The following NOP53 variants were observed in gnomAD, a reference collection of about 807,000 sequenced individuals.
NOP53 encodes NOP53 ribosome biogenesis factor.
Under a neutral mutation model 61.0 loss-of-function variants are expected in NOP53, and 40 were observed. The observed-to-expected ratio is 0.66, with a 90% CI of 0.51 to 0.85. The LOEUF (loss-of-function observed/expected upper bound fraction) is 0.85, where lower values mean the gene tolerates loss of function less well. Among genes scored for constraint, NOP53 ranks in the 40% least tolerant of loss-of-function variants. The pLI is 0.00. For synonymous variants in NOP53, 308 were observed against 289.5 expected (o/e 1.06, Z -0.65); for missense variants, 689 against 652.9 (o/e 1.06, Z -0.60).
intron 1 of NOP53, 90 bp downstream of exon 1, chr19:47,745,873 GGGTC>G: frequency 3.4e-6 from 1 of 297,476 alleles, no homozygotes; most frequent in Non-Finnish European, 6.7e-6. Flanking sequence ...CGGGGGTCGG[GGGTC>G]GGGGGTCGGG....
rs1967059733 is a variant in NOP53, at chr19:47,746,095, AATATGTGTGTGTGTGTATGTAT to A, written c.224+325_224+346del. 8 of 413,538 alleles carry A rather than the reference AATATGTGTGTGTGTGTATGTAT, an allele frequency of 1.9e-5. No individual in the cohort carries two copies. The East Asian group carries it at 3.4e-4, about 18-fold the overall frequency. The allele number at this position is 413,538 out of a possible 1,614,324, so 25.6% of individuals were successfully genotyped here. On this transcript the variant is annotated intron_variant, in intron 1 of 12. Transcript: ENST00000246802. ...ATCCACCTTAGCTTGCTGTTTTCTA[AATATGTGTGTGTGTGTATGTAT>A]ATATGTGTGTGTATATATATGTGTA...
chr19:47,745,776 A>G lies in NOP53; in HGVS notation c.217A>G (p.Thr73Ala), dbSNP rs1343723525. 1.9e-6 allele frequency: 3 copies of G among 1,546,916 alleles called. No homozygotes were observed. The highest frequency in any genetic ancestry group is 4.1e-5 in the Admixed American group (2 of 49,262). The change falls in exon 1 of 13, where the codon ACG (threonine) becomes GCG (alanine). Residue 73 changes from threonine (T) to alanine (A), a missense_variant. Thr to Ala is a moderately conservative substitution (Grantham distance 58). Coordinates refer to ENST00000246802, the MANE Select transcript of NOP53 (RefSeq NM_015710.5). ...FLEDVRLQER[T>A]SGGLLSEAPN... The stretch of plus-strand genomic sequence containing the variant: ...GGAAGACGTGCGGCTACAGGAGCGC[A>G]CGAGCGGGTACGTTGGGCGGGACTT...
chr19:47,752,211 C>G (rs1967132890), intron 5 of NOP53, among the ~76,000 whole-genome samples: 2 of 152,182 alleles, frequency 1.3e-5, no homozygotes, highest in Admixed American at 1.3e-4. Context: ...CCCGTGCTGG[C>G]AAGTGGCAGA....
At chr19:47,747,842 G>A (rs1190945626) in intron 2 of NOP53, among the ~76,000 whole-genome samples, 2 of 125,426 alleles carry the variant, frequency 1.6e-5, no homozygotes, top group African/African-American at 3.2e-5. Flanking sequence ...GTGCAATGGC[G>A]TGATCTCAGC....
chr19:47,754,352 A>G lies in NOP53; in HGVS notation c.766-175A>G, dbSNP rs1388654044. On this transcript the variant is annotated intron_variant, in intron 6 of 12. Transcript: ENST00000246802. The surrounding 1 kb of genome is among the most constrained non-coding windows in gnomAD (Gnocchi z 4.2). ...GAGCAGGTGTGAGGGCGAGGGTTTG[A>G]GGTGCCCTCTGGCTCTGTGCAGGGT... is the stretch of plus-strand genomic sequence containing the variant. 3.3e-6 allele frequency: 2 copies of G among 604,564 alleles called. No homozygotes were observed. The highest frequency in any genetic ancestry group is 5.6e-5 in the East Asian group (2 of 35,676). The allele number at this position is 604,564 out of a possible 1,614,324, so 37.4% of individuals were successfully genotyped here.
chr19:47,749,486 G>A (rs1967099917), intron 2 of NOP53, among the ~76,000 whole-genome samples: 1 of 152,078 alleles, frequency 6.6e-6, no homozygotes, highest in Admixed American at 6.6e-5. Context: ...CTCATTTTGG[G>A]GGCACGGAGG....
In NOP53 at chr19:47,754,957, T is replaced by C. The variant is rs1336436694; in HGVS notation, c.1053+66T>C. 6.5e-6 allele frequency: 9 copies of C among 1,387,878 alleles called. No individual in the cohort carries two copies. Among genetic ancestry groups the C allele is most frequent in the Middle Eastern group, 2.6e-4 (1 of 3,916 alleles). The allele number at this position is 1,387,878 out of a possible 1,614,324, so 86.0% of individuals were successfully genotyped here. On this transcript the variant is annotated intron_variant, in intron 8 of 12. Coordinates refer to ENST00000246802, the MANE Select transcript of NOP53 (RefSeq NM_015710.5). The surrounding 1 kb of genome is among the most constrained non-coding windows in gnomAD (Gnocchi z 4.2). ...CCCCCTTCCTTCCTTCCTCCCACCA[T>C]GGGCTGCCCTGGGTGCTGCGGGCAG...
In NOP53 at chr19:47,745,783, G is replaced by A. The variant is rs200592342; in HGVS notation, c.224G>A (p.Gly75Asp). ...GTGCGGCTACAGGAGCGCACGAGCG[G>A]GTACGTTGGGCGGGACTTCCGGGAG... ...EDVRLQERTS[G>D]GLLSEAPNEK... The change falls in exon 1 of 13, where the codon GGT (glycine) becomes GAT (aspartate). Residue 75 changes from glycine to aspartate, a missense_variant and splice_region_variant. By Grantham distance (94) the Gly-to-Asp change is moderately conservative. Transcript: ENST00000246802. The A allele has an allele frequency of 1.5e-4, 228 of 1,536,632 alleles. No homozygotes were observed. Among genetic ancestry groups the A allele is most frequent in the Non-Finnish European group, 1.9e-4 (214 of 1,143,024 alleles).
intron 3 of NOP53, among the ~76,000 whole-genome samples, 162 bp from the exon 4 acceptor site, chr19:47,750,746 C>A (rs1456485329): frequency 1.3e-5 from 2 of 151,958 alleles, no homozygotes; most frequent in Non-Finnish European, 2.9e-5. Flanking sequence ...TGGAGACAGA[C>A]GTGGGGAGAG....
chr19:47,750,718 CAG>C (rs563176691), intron 3 of NOP53, among the ~76,000 whole-genome samples, 188 bp from the exon 4 acceptor site: 9 of 152,018 alleles, frequency 5.9e-5, no homozygotes, highest in Non-Finnish European at 1.2e-4. Context: ...GTCTGGGGCT[CAG>C]AGGGGAGGCC....
chr19:47,751,525 C>G lies in NOP53; in HGVS notation c.604C>G (p.Leu202Val). The G allele has an allele frequency of 1.2e-6, 2 of 1,613,818 alleles. No homozygotes were observed. The change falls in exon 5 of 13, where the codon CTG (leucine) becomes GTG (valine). Residue 202 changes from leucine to valine, a missense_variant. Leu to Val is a conservative substitution (Grantham distance 32, BLOSUM62 1). Coordinates refer to ENST00000246802, the MANE Select transcript of NOP53 (RefSeq NM_015710.5). The part of the protein sequence containing the change: ...FYDLWASDNP[L>V]DRPLVGQDEF... ...TCCCCTCGCTGTATCCACAGACCCCCTGGACAGGCCGTTGGTTGGCCAGGA... is the reference window on the plus strand; with the variant it reads ...TCCCCTCGCTGTATCCACAGACCCCGTGGACAGGCCGTTGGTTGGCCAGGA...
rs187764726 is a variant in NOP53 at position 47,756,174 on chromosome 19, C to G, written c.1296+352C>G. 1.1e-4 allele frequency: 54 copies of G among 511,524 alleles called. 1 individual carries two copies. Among genetic ancestry groups the G allele is most frequent in the African/African-American group, 7.6e-4 (40 of 52,548 alleles). 31.7% of individuals were successfully genotyped at this position (511,524 alleles called of 1,614,324 possible). A position where few individuals can be genotyped will look rare whatever the true frequency, so the allele number is the denominator to read the frequency against. On this transcript the variant is annotated intron_variant, in intron 10 of 12. Transcript: ENST00000246802. Reference sequence around the variant, plus strand: ...GTGCCCCTGAGGAAGCCCAGCTCCTCTGTCAGCCACACGCCTGGGCCGACC... The same window carrying G: ...GTGCCCCTGAGGAAGCCCAGCTCCTGTGTCAGCCACACGCCTGGGCCGACC...
In NOP53 at chr19:47,751,055, C is replaced by T. The variant is rs139243886; in HGVS notation, c.546C>T (p.Pro182=). 376 of 1,608,286 alleles carry T rather than the reference C, an allele frequency of 2.3e-4. No homozygotes were observed. Among genetic ancestry groups the T allele is most frequent in the Non-Finnish European group, 2.6e-4 (312 of 1,178,172 alleles). ...ACCCTTCTGCAACAAGGGCCAAGCC[C>T]GGGCCCCAGGACACCGTAGAGCGGC... is the stretch of plus-strand genomic sequence containing the variant. ...LLNPSATRAK[P]GPQDTVERPF... is the part of the protein sequence containing the mutation. The change falls in exon 4 of 13, where the codon CCC becomes CCT. Residue 182 remains proline, a synonymous_variant. Coordinates refer to ENST00000246802, the MANE Select transcript of NOP53 (RefSeq NM_015710.5).
At chr19:47,746,076 C>T (rs1272177422) in intron 1 of NOP53, 3 of 448,968 alleles carry the variant, frequency 6.7e-6, no homozygotes, top group Non-Finnish European at 1.2e-5. Flanking sequence ...ATGCATCCAC[C>T]TTAGCTTGCT....
chr19:47,746,237 G>C (rs1218739289), intron 1 of NOP53: 5 of 154,048 alleles, frequency 3.2e-5, no homozygotes, highest in African/African-American at 1.2e-4. Flanking sequence ...GCCCAGGCTG[G>C]AGTAGGCGCG....
rs1172403709 is a variant in NOP53 at position 47,755,417 on chromosome 19, A to G, written c.1123A>G (p.Lys375Glu). The change falls in exon 9 of 13, where the codon AAG becomes GAG. Residue 375 changes from lysine to glutamate, a missense_variant. Coordinates refer to ENST00000246802, the MANE Select transcript of NOP53 (RefSeq NM_015710.5). ...HQELFRLRGI[K>E]AQVALRLAEL... is the part of the protein sequence containing the mutation. ...GGAGCTGTTCCGGCTGCGCGGGATC[A>G]AGGCCCAGGTGGCCCTGAGGCTGGC... 4 of 1,533,056 alleles carry G rather than the reference A, an allele frequency of 2.6e-6. No individual in the cohort carries two copies. The South Asian group carries it at 3.6e-5, about 14-fold the overall frequency. 95.0% of individuals were successfully genotyped at this position (1,533,056 alleles called of 1,614,324 possible).
At position 47,750,850 on chromosome 19, in the gene NOP53, T is replaced by C; in HGVS notation, c.399-58T>C. 3 of 1,444,020 alleles carry C rather than the reference T, an allele frequency of 2.1e-6. No individual in the cohort carries two copies. In the South Asian group the frequency reaches 3.7e-5, roughly 18 times the overall value. The allele number at this position is 1,444,020 out of a possible 1,614,324, so 89.5% of individuals were successfully genotyped here. On this transcript the variant is annotated intron_variant, in intron 3 of 12. Coordinates refer to ENST00000246802, the MANE Select transcript of NOP53 (RefSeq NM_015710.5). Reference sequence around the variant, plus strand: ...AGGAAGCCCGACGGGGAGGAGGCCCTGCTGCCGTTCAGGCTGCCACCTCAC... The same window carrying C: ...AGGAAGCCCGACGGGGAGGAGGCCCCGCTGCCGTTCAGGCTGCCACCTCAC...
At position 47,755,810 on chromosome 19, in the gene NOP53, C is replaced by T. The variant is rs1164735927; in HGVS notation, c.1284C>T (p.Leu428=). 11 of 1,609,186 alleles carry T rather than the reference C, an allele frequency of 6.8e-6. No homozygotes were observed. In the South Asian group the frequency reaches 1.0e-4, roughly 15 times the overall value. ...TGAGCTCGGAGCTGACAGACTCGCTCAGGACCCTGAAGGTGCTCACTGTGT... is the reference window on the plus strand; with the variant it reads ...TGAGCTCGGAGCTGACAGACTCGCTTAGGACCCTGAAGGTGCTCACTGTGT... The part of the protein sequence containing the change: ...VQLSSELTDS[L]RTLKPEGNIL... The change falls in exon 10 of 13, where the codon CTC becomes CTT. Residue 428 remains leucine (L), a synonymous_variant. Transcript: ENST00000246802.
chr19:47,752,107 C>CA (rs111794129), intron 5 of NOP53, among the ~76,000 whole-genome samples: 13,583 of 142,588 alleles, frequency 0.095, 761 homozygotes, highest in Non-Finnish European at 0.13. Flanking sequence ...AACTCTGTCT[C>CA]AAAAAAAAAA....
Sources: allele counts gnomAD v4.1 joint callset (sites outside exome capture counted in the v4.1 genomes callset), GRCh38; gene constraint gnomAD v4.1.1; non-coding constraint Gnocchi (gnomAD v3.1); transcripts MANE v1.5; gene names NCBI Gene and HGNC (gene_info 2026-07-23, HGNC 2026-07-21).